Variants in SOBP observed in about 807,000 individuals in gnomAD.
SOBP encodes the protein sine oculis binding protein homolog.
In SOBP, 4 loss-of-function variants were observed where a neutral mutation model predicts 53.6. The observed-to-expected ratio is 0.07, with a 90% CI of 0.04 to 0.17. The LOEUF is 0.17. SOBP is among the 10% of genes least tolerant of loss of function. The pLI is 1.00. For synonymous variants in SOBP, 584 were observed against 522.6 expected, an observed-to-expected ratio of 1.12 and a Z score of -1.60; for missense variants, 1,088 against 1,204.7, an observed-to-expected ratio of 0.90 and a Z score of 1.43.
intron 4 of SOBP, among the ~76,000 whole-genome samples, chr6:107,534,780 T>C (rs77056489): frequency 0.029 from 4,464 of 152,236 alleles, 147 homozygotes; most frequent in African/African-American, 0.079. Flanking sequence ...GTAAGGAAAT[T>C]GTTTGGAATT....
chr6:107,635,090 C>T lies in SOBP; in HGVS notation c.2246C>T (p.Pro749Leu). The change falls in exon 6 of 7, where the codon CCG becomes CTG. Residue 749 changes from proline (P) to leucine (L), a missense_variant. This residue lies in a region of SOBP where 665 missense variants were observed against 629.7 expected (regional missense o/e 1.06). Transcript: ENST00000317357. The surrounding 1 kb of genome is among the most constrained non-coding windows in gnomAD (Gnocchi z 4.5). ...CCTCCCGAGCAGCCGCCGCCGCCGC[C>T]GCCGCCCGCGCCCCCCAAGAAGCTG... Reference protein sequence around the residue: ...EPPPEQPPPPPPPAPPKKLLS... With the variant: ...EPPPEQPPPPLPPAPPKKLLS... 1.3e-6 allele frequency: 2 copies of T among 1,592,548 alleles called. No homozygotes were observed. The highest frequency in any genetic ancestry group is 1.7e-6 in the Non-Finnish European group (2 of 1,170,070).
chr6:107,579,153 G>A (rs1785326915), intron 4 of SOBP, among the ~76,000 whole-genome samples: 1 of 152,142 alleles, frequency 6.6e-6, no homozygotes, highest in Admixed American at 6.5e-5. Flanking sequence ...AAAGCCAAAA[G>A]GCAGGCAGTG....
At chr6:107,492,517 G>C (rs982442211) in intron 1 of SOBP, among the ~76,000 whole-genome samples, 3 of 152,178 alleles carry the variant, frequency 2.0e-5, no homozygotes, top group Non-Finnish European at 4.4e-5. Flanking sequence ...TCGATGCTTG[G>C]GGCTCGCGTT....
intron 4 of SOBP, among the ~76,000 whole-genome samples, chr6:107,579,227 G>A (rs1289278930): frequency 2.0e-5 from 3 of 152,058 alleles, no homozygotes; most frequent in Non-Finnish European, 4.4e-5. Context: ...TTAAGCTTCC[G>A]GAATAATCAG....
intron 4 of SOBP, among the ~76,000 whole-genome samples, chr6:107,581,453 G>A (rs1268172029): frequency 1.3e-5 from 2 of 152,140 alleles, no homozygotes; most frequent in South Asian, 2.1e-4. Context: ...GGGAGGCAGG[G>A]AGCTACTCTG....
chr6:107,616,594 T>C (rs1381411488), intron 5 of SOBP, among the ~76,000 whole-genome samples: 1 of 152,228 alleles, frequency 6.6e-6, no homozygotes, highest in Non-Finnish European at 1.5e-5. Flanking sequence ...TGTTTTGCTC[T>C]TTAAAATAGC....
rs1310208762 is a variant in SOBP at position 107,490,529 on chromosome 6, C to T, written c.-88C>T. 7.6e-6 allele frequency: 7 copies of T among 921,564 alleles called. No individual in the cohort carries two copies. The highest frequency in any genetic ancestry group is 3.3e-5 in the African/African-American group (2 of 60,080). The allele number at this position is 921,564 out of a possible 1,614,324, so 57.1% of individuals were successfully genotyped here. On this transcript the variant is annotated 5_prime_UTR_variant, in exon 1 of 7. Coordinates refer to ENST00000317357, the MANE Select transcript of SOBP (RefSeq NM_018013.4). ...CCTCCGCCAGCCTCGCCACCATCAGCACCACCTCCACCGCCGCCGCCGCCG... is the reference window on the plus strand; with the variant it reads ...CCTCCGCCAGCCTCGCCACCATCAGTACCACCTCCACCGCCGCCGCCGCCG...
At chr6:107,548,075 G>A (rs1784352670) in intron 4 of SOBP, among the ~76,000 whole-genome samples, 1 of 151,592 alleles carries the variant, frequency 6.6e-6, no homozygotes, top group Admixed American at 6.6e-5. Context: ...TGAGTATGAG[G>A]GATTTGTGAA....
At chr6:107,653,355 G>A (rs1313803747) in intron 6 of SOBP, among the ~76,000 whole-genome samples, 1 of 152,228 alleles carries the variant, frequency 6.6e-6, no homozygotes, top group East Asian at 1.9e-4. Context: ...GGCTACCTGA[G>A]AGCAATCCAG....
chr6:107,611,075 A>C (rs975739371), intron 5 of SOBP, among the ~76,000 whole-genome samples: 1 of 152,212 alleles, frequency 6.6e-6, no homozygotes. Flanking sequence ...CACCCTCCCC[A>C]GCCAACCCCA....
In SOBP at chr6:107,492,553, C is replaced by T. The variant is rs543101383; in HGVS notation, c.96+1841C>T. Among the ~76,000 whole-genome samples the T allele has an allele frequency of 2.0e-5, 3 of 152,238 alleles. No individual in the cohort carries two copies. In the South Asian group the frequency reaches 6.2e-4, roughly 32 times the overall value. Reference sequence around the variant, plus strand: ...GTTGATTTTGGCTGCAGGCGCAGTCCGTGGTTTGGGAGATAGTTGTCCTTC... The same window carrying T: ...GTTGATTTTGGCTGCAGGCGCAGTCTGTGGTTTGGGAGATAGTTGTCCTTC... On this transcript the variant is annotated intron_variant, in intron 1 of 6. Transcript: ENST00000317357.
intron 6 of SOBP, among the ~76,000 whole-genome samples, chr6:107,656,888 C>T (rs575734864): frequency 1.3e-5 from 2 of 152,242 alleles, no homozygotes; most frequent in Non-Finnish European, 2.9e-5. Context: ...AGAATAATCT[C>T]AACAGTTGTA....
intron 4 of SOBP, among the ~76,000 whole-genome samples, chr6:107,579,178 G>A (rs1189212142): frequency 6.6e-6 from 1 of 152,184 alleles, no homozygotes; most frequent in Non-Finnish European, 1.5e-5. Flanking sequence ...GAGGAAGAAA[G>A]TGGGGGAAGG....
At chr6:107,493,451 GGA>G (rs1782626637) in intron 1 of SOBP, among the ~76,000 whole-genome samples, 1 of 152,212 alleles carries the variant, frequency 6.6e-6, no homozygotes, top group African/African-American at 2.4e-5. Context: ...GAGAGCAAAT[GGA>G]AAAGTCAGCC....
chr6:107,637,407 G>A (rs1007310195), intron 6 of SOBP, among the ~76,000 whole-genome samples: 3 of 152,242 alleles, frequency 2.0e-5, no homozygotes, highest in African/African-American at 7.2e-5. Flanking sequence ...GGCTTTGCCA[G>A]TAGAGGAAGA....
intron 1 of SOBP, 80 bp downstream of exon 1, chr6:107,490,792 G>A (rs1222619580): frequency 1.8e-6 from 2 of 1,089,226 alleles, no homozygotes; most frequent in Non-Finnish European, 2.7e-6. Context: ...TGGATCTGGG[G>A]GGTACCGGGG....
At chr6:107,560,539 G>A (rs1401726522) in intron 4 of SOBP, among the ~76,000 whole-genome samples, 2 of 152,032 alleles carry the variant, frequency 1.3e-5, no homozygotes, top group African/African-American at 2.4e-5. Context: ...CCCCTAACAG[G>A]TAGCATCCTC....
Position 107,634,329 on chromosome 6 carries a change from G to A in SOBP, c.1485G>A (p.Met495Ile). The change falls in exon 6 of 7, where the codon ATG becomes ATA. Residue 495 changes from methionine (M) to isoleucine (I), a missense_variant. Physicochemically the swap from Met to Ile is conservative, Grantham distance 10. Transcript: ENST00000317357. This position sits in a 1 kb window ranked among gnomAD's most constrained non-coding sequence, Gnocchi z 4.5. ...LPSLPFPPVSMMPNGPMPVPQ... is the reference protein window; with the variant it reads ...LPSLPFPPVSIMPNGPMPVPQ... ...GTCTTCCCTTCCCGCCAGTGAGCAT[G>A]ATGCCAAATGGCCCGATGCCGGTGC... The A allele has an allele frequency of 6.3e-7, 1 of 1,585,026 alleles. No individual in the cohort carries two copies. Among genetic ancestry groups the A allele is most frequent in the Non-Finnish European group, 8.5e-7 (1 of 1,172,758 alleles).
chr6:107,518,036 A>G (rs1246335356), intron 3 of SOBP, among the ~76,000 whole-genome samples: 1 of 152,208 alleles, frequency 6.6e-6, no homozygotes, highest in Non-Finnish European at 1.5e-5. Context: ...ATAAAAAAAG[A>G]AAAAATCTTT....
Sources: allele counts gnomAD v4.1 joint callset (sites outside exome capture counted in the v4.1 genomes callset), GRCh38; gene constraint gnomAD v4.1.1; regional missense constraint gnomAD v4.1.1; non-coding constraint Gnocchi (gnomAD v3.1); transcripts MANE v1.5; gene names NCBI Gene and HGNC (gene_info 2026-07-23, HGNC 2026-07-21).